Variants in U2AF1L4 observed in about 807,000 individuals in gnomAD.
The protein encoded by U2AF1L4 is U2 small nuclear RNA auxiliary factor 1 like 4, also known as splicing factor U2AF 26 kDa subunit.
A neutral mutation model predicts 21.7 loss-of-function variants in U2AF1L4; 21 were observed. The observed-to-expected ratio is 0.97, with a 90% CI of 0.69 to 1.39. U2AF1L4 has a LOEUF of 1.39. Ranked by LOEUF, U2AF1L4 falls within the 40% of genes most tolerant of loss-of-function variation. The pLI is 0.00. For missense variants in U2AF1L4, 259 were observed against 245.7 expected (o/e 1.05, Z -0.36); for synonymous variants, 92 against 89.7 (o/e 1.03, Z -0.15).
intron 2 of U2AF1L4, 115 bp from the exon 3 acceptor site, chr19:35,744,536 A>G (rs1468098623): frequency 8.3e-6 from 11 of 1,321,418 alleles, no homozygotes; most frequent in Non-Finnish European, 1.2e-5. Context: ...CGTCACTCAC[A>G]TGACCTGGGG....
intron 2 of U2AF1L4, chr19:35,744,921 T>C: frequency 1.4e-6 from 1 of 705,602 alleles, no homozygotes; most frequent in Non-Finnish European, 2.3e-6. Context: ...GTGTGTAGCC[T>C]GTACGCATGG....
In U2AF1L4 at chr19:35,745,165, TCC is replaced by T. The variant is rs1568398797; in HGVS notation, c.90_91del (p.Asp31ProfsTer27). On this transcript the variant is annotated frameshift_variant, in exon 2 of 6. Transcript: ENST00000378975. LOFTEE classifies it high-confidence loss of function. ...CTTGTTGTGAAGCCGGGAGCACCGG[TCC>T]CCGTGCCGGCAGACCCCGATCTTAA... 5 of 1,613,336 alleles carry T rather than the reference TCC, an allele frequency of 3.1e-6. No individual in the cohort carries two copies. Among genetic ancestry groups the T allele is most frequent in the Non-Finnish European group, 4.2e-6 (5 of 1,179,966 alleles).
At chr19:35,744,970 G>T in intron 2 of U2AF1L4, 155 bp downstream of exon 2, 1 of 786,144 alleles carries the variant, frequency 1.3e-6, no homozygotes, top group Non-Finnish European at 2.0e-6. Flanking sequence ...CACGAAGACC[G>T]GTGGGAGGAG....
rs756613425 is a variant in U2AF1L4 at position 35,745,181 on chromosome 19, C to T, written c.76G>A (p.Val26Ile). ...GAGCACCGGTCCCCGTGCCGGCAGA[C>T]CCCGATCTTAAAGTAAAAAGAGCAG... ...VNCSFYFKIGVCRHGDRCSRL... is the reference protein window; with the variant it reads ...VNCSFYFKIGICRHGDRCSRL... Residue 26 changes from valine to isoleucine, a missense_variant, in exon 2 of 6, where the codon GTC (valine) becomes ATC (isoleucine). Transcript: ENST00000378975. The T allele has an allele frequency of 6.2e-7, 1 of 1,613,750 alleles. No individual in the cohort carries two copies. The highest frequency in any genetic ancestry group is 1.3e-5 in the African/African-American group (1 of 75,030).
intron 5 of U2AF1L4, chr19:35,743,467 G>A (rs1031786274): frequency 1.3e-5 from 4 of 315,134 alleles, no homozygotes; most frequent in East Asian, 8.2e-5. Context: ...GAGGCAGGTG[G>A]ATCACGAGGT....
In U2AF1L4 at chr19:35,744,274, G is replaced by C. The variant is rs755693473; in HGVS notation, c.231+49C>G. ...GAGAGCCTACAGTGGCCACCATCAG[G>C]CATTGAAACGCCTCCACTTCTGGGC... On this transcript the variant is annotated intron_variant, in intron 3 of 5. Coordinates refer to ENST00000378975, the MANE Select transcript of U2AF1L4 (RefSeq NM_001040425.3). The C allele has an allele frequency of 3.7e-6, 6 of 1,609,886 alleles. No homozygotes were observed. In the South Asian group the frequency reaches 6.6e-5, roughly 18 times the overall value.
intron 3 of U2AF1L4, 60 bp from the exon 4 acceptor site, chr19:35,744,205 A>AC: frequency 6.2e-7 from 1 of 1,606,306 alleles, no homozygotes; most frequent in Non-Finnish European, 8.5e-7. Context: ...GGGACTCACT[A>AC]CCCGCTCTGG....
chr19:35,742,551 C>G lies in U2AF1L4; in HGVS notation c.*168G>C. 6.2e-7 allele frequency: 1 copy of G among 1,612,988 alleles called. No individual in the cohort carries two copies. The highest frequency in any genetic ancestry group is 8.5e-7 in the Non-Finnish European group (1 of 1,179,802). ...GTTGATGCCGAAGTGAAACACGCAG[C>G]TTTATTAAGACAGGGGCGGTAGAAG... On this transcript the variant is annotated 3_prime_UTR_variant, in exon 6 of 6. Coordinates refer to ENST00000378975, the MANE Select transcript of U2AF1L4 (RefSeq NM_001040425.3).
chr19:35,743,524 C>A, intron 5 of U2AF1L4: 3 of 428,790 alleles, frequency 7.0e-6, no homozygotes, highest in Non-Finnish European at 1.3e-5. Flanking sequence ...CCCATCTCTA[C>A]TAAAAACACA....
rs779640056 is a variant in U2AF1L4, at chr19:35,744,363, T to C, written c.191A>G (p.Asp64Gly). Reference protein sequence around the residue: ...YGEIEEMNVCDNLGDHLVGNV... With the variant: ...YGEIEEMNVCGNLGDHLVGNV... Reference sequence around the variant, plus strand: ...GCCCACGAGGTGGTCCCCAAGGTTGTCGCACACATTCATCTCTTCAATCTC... The same window carrying C: ...GCCCACGAGGTGGTCCCCAAGGTTGCCGCACACATTCATCTCTTCAATCTC... Residue 64 changes from aspartate to glycine, a missense_variant, in exon 3 of 6, where the codon GAC becomes GGC. Transcript: ENST00000378975. 1 of 1,614,182 alleles carries C rather than the reference T, an allele frequency of 6.2e-7. No homozygotes were observed. Among genetic ancestry groups the C allele is most frequent in the Non-Finnish European group, 8.5e-7 (1 of 1,180,026 alleles).
In U2AF1L4 at chr19:35,744,594, C is replaced by A; in HGVS notation, c.133-173G>T. On this transcript the variant is annotated intron_variant, in intron 2 of 5. Transcript: ENST00000378975. The stretch of plus-strand genomic sequence containing the variant: ...AGAGTGTAGCCTACTGGGGGCTGTT[C>A]ACCTTGCCCCCAGGCCTGGTCCCTT... The A allele has an allele frequency of 2.6e-6, 4 of 1,539,634 alleles. 1 individual carries two copies. The South Asian group carries it at 4.7e-5, about 18-fold the overall frequency.
At chr19:35,742,848 G>A (rs764709586) in intron 5 of U2AF1L4, 45 bp from the exon 6 acceptor site, 15 of 1,557,252 alleles carry the variant, frequency 9.6e-6, no homozygotes, top group Non-Finnish European at 1.2e-5. Flanking sequence ...CCTGAGGAGT[G>A]GTGCAGAGAT....
In U2AF1L4 at chr19:35,744,393, T is replaced by C. The variant is rs1970459589; in HGVS notation, c.161A>G (p.Tyr54Cys). Reference sequence around the variant, plus strand: ...CACATTCATCTCTTCAATCTCCCCATACTTCTCCTGCAGTTCTGTGAACAC... The same window carrying C: ...CACATTCATCTCTTCAATCTCCCCACACTTCTCCTGCAGTTCTGTGAACAC... ...QEVFTELQEK[Y>C]GEIEEMNVCD... Residue 54 changes from tyrosine to cysteine, a missense_variant, in exon 3 of 6, where the codon TAT (tyrosine) becomes TGT (cysteine). By Grantham distance (194) the Tyr-to-Cys change is radical. Coordinates refer to ENST00000378975, the MANE Select transcript of U2AF1L4 (RefSeq NM_001040425.3). 1 of 1,614,048 alleles carries C rather than the reference T, an allele frequency of 6.2e-7. No homozygotes were observed. Among genetic ancestry groups the C allele is most frequent in the Non-Finnish European group, 8.5e-7 (1 of 1,180,044 alleles).
Position 35,744,324 on chromosome 19 carries a change from T to C in U2AF1L4, c.230A>G (p.Lys77Arg), listed in dbSNP as rs1246903685. The C allele has an allele frequency of 3.7e-6, 6 of 1,614,102 alleles. No homozygotes were observed. The highest frequency in any genetic ancestry group is 1.1e-5 in the South Asian group (1 of 91,088). The part of the protein sequence containing the change: ...GDHLVGNVYV[K>R]FRREEDGERA... ...CCCTAAGTGGGGGGCAGCAAGCACC[T>C]TGACATAGACGTTGCCCACGAGGTG... The change falls in exon 3 of 6, where the codon AAG becomes AGG. Residue 77 changes from lysine (K) to arginine (R), a missense_variant and splice_region_variant. Coordinates refer to ENST00000378975, the MANE Select transcript of U2AF1L4 (RefSeq NM_001040425.3).
At position 35,744,124 on chromosome 19, in the gene U2AF1L4, C is replaced by A. The variant is rs139957113; in HGVS notation, c.253G>T (p.Glu85Ter). The stretch of plus-strand genomic sequence containing the variant: ...TTACTGAGTTCAGCCACGGCCCGCT[C>A]TCCATCCTCCTCCCTCCGGAACTGC... Reference protein sequence around the residue: ...YVKFRREEDGERAVAELSNRW... With the variant: ...YVKFRREEDG Residue 85 changes from glutamate (E) to a stop codon, truncating the protein, a stop_gained, in exon 4 of 6, where the codon GAG becomes TAG. Transcript: ENST00000378975. LOFTEE classifies it high-confidence loss of function. 1.2e-6 allele frequency: 2 copies of A among 1,613,788 alleles called. No individual in the cohort carries two copies. The highest frequency in any genetic ancestry group is 1.3e-5 in the African/African-American group (1 of 74,912).
At chr19:35,743,302 G>A (rs752295855) in intron 5 of U2AF1L4, 2 of 265,694 alleles carry the variant, frequency 7.5e-6, no homozygotes, top group South Asian at 3.0e-5. Flanking sequence ...GAACCTGGGA[G>A]GCAGAGGTTG....
At chr19:35,743,668 CAGAG>C in intron 5 of U2AF1L4, 137 bp downstream of exon 5, 1 of 756,542 alleles carries the variant, frequency 1.3e-6, no homozygotes, top group Non-Finnish European at 2.1e-6. Flanking sequence ...GCCTGGGCAA[CAGAG>C]TGAGGCTCCA....
chr19:35,744,643 G>T, intron 2 of U2AF1L4: 2 of 1,536,414 alleles, frequency 1.3e-6, no homozygotes, highest in Non-Finnish European at 1.7e-6. Context: ...TCCGTCTGCA[G>T]TTTGGGCTGT....
At position 35,744,097 on chromosome 19, in the gene U2AF1L4, G is replaced by A. The variant is rs755077639; in HGVS notation, c.280C>T (p.Arg94Cys). ...GERAVAELSN[R>C]WFNGQAVHGE... Reference sequence around the variant, plus strand: ...TGCACAGCCTGCCCGTTGAACCAGCGGTTACTGAGTTCAGCCACGGCCCGC... The same window carrying A: ...TGCACAGCCTGCCCGTTGAACCAGCAGTTACTGAGTTCAGCCACGGCCCGC... Residue 94 changes from arginine to cysteine, a missense_variant, in exon 4 of 6, where the codon CGC becomes TGC. Physicochemically the swap from Arg to Cys is radical, Grantham distance 180. Coordinates refer to ENST00000378975, the MANE Select transcript of U2AF1L4 (RefSeq NM_001040425.3). The A allele has an allele frequency of 4.3e-6, 7 of 1,613,864 alleles. No individual in the cohort carries two copies. Among genetic ancestry groups the A allele is most frequent in the East Asian group, 4.5e-5 (2 of 44,894 alleles).
Sources: allele counts gnomAD v4.1 joint callset, GRCh38; gene constraint gnomAD v4.1.1; transcripts MANE v1.5; gene names NCBI Gene and HGNC (gene_info 2026-07-23, HGNC 2026-07-21).